PAM: variants seen among roughly 807,000 people sequenced by gnomAD.
The protein encoded by PAM is peptidyl-glycine alpha-amidating monooxygenase.
In PAM, 72 loss-of-function variants were observed where a neutral mutation model predicts 122.1. The observed-to-expected ratio is 0.59, with a 90% confidence interval of 0.49 to 0.72. PAM has a LOEUF of 0.72. Among genes scored for constraint, PAM ranks in the 30% least tolerant of loss-of-function variants. The pLI, the probability that PAM is intolerant of heterozygous loss-of-function variation, is 0.00. For missense variants in PAM, 1,106 were observed against 1,183.7 expected (o/e 0.93, Z 0.96); for synonymous variants, 389 against 404.4 (o/e 0.96, Z 0.46).
At chr5:102,909,004 T>C (rs2151505913) in intron 4 of PAM, among the ~76,000 whole-genome samples, 1 of 151,966 alleles carries the variant, frequency 6.6e-6, no homozygotes, top group South Asian at 2.1e-4. Flanking sequence ...CATTACTATC[T>C]TTACTTTGAG....
At chr5:102,874,824 C>T (rs1296455362) in intron 3 of PAM, among the ~76,000 whole-genome samples, 6 of 151,968 alleles carry the variant, frequency 3.9e-5, no homozygotes, top group African/African-American at 9.7e-5. Flanking sequence ...GGGCACTTTA[C>T]GTACATTGTC....
chr5:103,019,144 G>C (rs1234954606), intron 22 of PAM, among the ~76,000 whole-genome samples: 3 of 152,116 alleles, frequency 2.0e-5, no homozygotes, highest in Non-Finnish European at 2.9e-5. Context: ...TACCTACGGG[G>C]GGGGACTGTT....
chr5:102,774,470 C>T (rs1449234492), intron 1 of PAM, among the ~76,000 whole-genome samples: 1 of 151,976 alleles, frequency 6.6e-6, no homozygotes, highest in African/African-American at 2.4e-5. Context: ...TGGAAAATAG[C>T]AGAAAATTTT....
intron 7 of PAM, among the ~76,000 whole-genome samples, chr5:102,942,736 A>ATT (rs754559996): frequency 7.2e-6 from 1 of 138,450 alleles, no homozygotes; most frequent in South Asian, 2.3e-4. Context: ...TGCCCGGCTA[A>ATT]TTTTTTTTTT....
intron 3 of PAM, among the ~76,000 whole-genome samples, chr5:102,871,052 CATA>C (rs1190977700): frequency 6.6e-6 from 1 of 152,148 alleles, no homozygotes; most frequent in Non-Finnish European, 1.5e-5. Flanking sequence ...AATGGTTTTC[CATA>C]ATGTTTATTG....
At chr5:103,003,907 T>G (rs919070312) in intron 17 of PAM, among the ~76,000 whole-genome samples, 1 of 152,050 alleles carries the variant, frequency 6.6e-6, no homozygotes, top group African/African-American at 2.4e-5. Context: ...AATTTGGCTT[T>G]GAAAACTGCT....
chr5:102,929,886 T>C (rs1279541175), intron 7 of PAM, among the ~76,000 whole-genome samples: 1 of 152,112 alleles, frequency 6.6e-6, no homozygotes, highest in Non-Finnish European at 1.5e-5. Context: ...TTTTTTCTTT[T>C]AGCTCATCAG....
intron 16 of PAM, among the ~76,000 whole-genome samples, chr5:103,000,146 A>C (rs1169139703): frequency 2.6e-5 from 4 of 152,228 alleles, no homozygotes; most frequent in African/African-American, 4.8e-5. Context: ...TGAGCACTCA[A>C]GTTACACCTT....
chr5:102,875,856 G>A (rs1789009919), intron 3 of PAM, among the ~76,000 whole-genome samples: 1 of 152,164 alleles, frequency 6.6e-6, no homozygotes, highest in Non-Finnish European at 1.5e-5. Context: ...TTTCCCAGTC[G>A]CTGATAGAAA....
chr5:102,950,418 T>TGG (rs1554134212), intron 11 of PAM, among the ~76,000 whole-genome samples: 11 of 81,750 alleles, frequency 1.3e-4, no homozygotes, highest in African/African-American at 3.8e-4. Flanking sequence ...TGTGGGTGGG[T>TGG]GTGTGTGTGT....
intron 1 of PAM, among the ~76,000 whole-genome samples, chr5:102,860,188 TTGGAGCCCATATTAGGTAAGGAGGCATC>T (rs1783779467): frequency 6.6e-6 from 1 of 152,156 alleles, no homozygotes; most frequent in Non-Finnish European, 1.5e-5. Flanking sequence ...GCATGGGGCA[TTGGAGCCCATATTAGGTAAGGAGGCATC>T]CGTGTGATGG....
chr5:102,783,510 G>T (rs1759607457), intron 1 of PAM, among the ~76,000 whole-genome samples: 1 of 152,122 alleles, frequency 6.6e-6, no homozygotes, highest in Non-Finnish European at 1.5e-5. Context: ...CCCCACTGAA[G>T]TTTTCCCACC....
intron 1 of PAM, 132 bp from the exon 2 acceptor site, chr5:102,865,691 A>C (rs1581105951): frequency 6.5e-6 from 1 of 153,014 alleles, no homozygotes; most frequent in East Asian, 1.9e-4. Flanking sequence ...GGAGCTCAAC[A>C]GACCAGCATT....
intron 8 of PAM, 50 bp downstream of exon 8, chr5:102,946,935 G>T: frequency 8.3e-7 from 1 of 1,208,704 alleles, no homozygotes; most frequent in South Asian, 1.2e-5. Flanking sequence ...ACATCTTTGC[G>T]AACTTAGAGT....
intron 21 of PAM, among the ~76,000 whole-genome samples, chr5:103,015,656 C>T (rs1419211294): frequency 6.6e-6 from 1 of 152,116 alleles, no homozygotes; most frequent in Non-Finnish European, 1.5e-5. Context: ...AGCAAGAAGA[C>T]AGAGTCCCAT....
rs1798579996 is a variant in PAM, at chr5:102,903,436, A to T, written c.268+2023A>T. On this transcript the variant is annotated intron_variant, in intron 4 of 25. Transcript: ENST00000438793. ...AAAGAATAAGTAAAGGAAATTTTGC[A>T]TGCGTTATCTCGTTAATTCTTAGGA... Among the ~76,000 whole-genome samples, 6 of 151,604 alleles carry T rather than the reference A, an allele frequency of 4.0e-5. No homozygotes were observed. In the Admixed American group the frequency reaches 4.0e-4, roughly 10 times the overall value.
chr5:102,988,715 G>A (rs58789320), intron 15 of PAM, among the ~76,000 whole-genome samples: 47,955 of 143,622 alleles, frequency 0.33, 7,970 homozygotes, highest in East Asian at 0.44. Context: ...GAGAAAGAAA[G>A]AAAAGAAAAA....
chr5:102,998,393 A>C (rs1295457268), intron 16 of PAM, among the ~76,000 whole-genome samples: 2 of 152,164 alleles, frequency 1.3e-5, no homozygotes, highest in African/African-American at 4.8e-5. Context: ...CTGAGGTCTA[A>C]TACGAGGATA....
chr5:102,914,052 G>T (rs1303487980), intron 5 of PAM, 31 bp downstream of exon 5: 15 of 1,205,936 alleles, frequency 1.2e-5, no homozygotes, highest in Non-Finnish European at 1.8e-5. Flanking sequence ...GTATAGAAGG[G>T]TGTAGAAAAT....
Sources: allele counts gnomAD v4.1 joint callset (sites outside exome capture counted in the v4.1 genomes callset), GRCh38; gene constraint gnomAD v4.1.1; transcripts MANE v1.5; gene names NCBI Gene and HGNC (gene_info 2026-07-23, HGNC 2026-07-21).